PBX1: variants seen among roughly 807,000 people sequenced by gnomAD.
The protein encoded by PBX1 is pre-B-cell leukemia transcription factor 1.
Under a neutral mutation model 53.4 loss-of-function variants are expected in PBX1, and 6 were observed. That is an observed-to-expected ratio of 0.11 (90% CI 0.06 to 0.22). PBX1 has a LOEUF of 0.22. PBX1 is among the 10% of genes least tolerant of loss of function. The pLI, the probability that PBX1 is intolerant of heterozygous loss-of-function variation, is 1.00. For missense variants in PBX1, 251 were observed against 551.4 expected (o/e 0.46, Z 5.46); for synonymous variants, 204 against 212.3 (o/e 0.96, Z 0.34).
chr1:164,858,593 T>C (rs949780868), intron 2 of PBX1, among the ~76,000 whole-genome samples: 1 of 152,166 alleles, frequency 6.6e-6, no homozygotes, highest in South Asian at 2.1e-4. Flanking sequence ...GGATCTTGTA[T>C]TTCAATTAAA....
At chr1:164,823,114 G>A (rs1423529274) in intron 8 of PBX1, among the ~76,000 whole-genome samples, 3 of 152,156 alleles carry the variant, frequency 2.0e-5, no homozygotes, top group Non-Finnish European at 4.4e-5. Context: ...AGAAGTCAAA[G>A]TTAACCCTGT....
At chr1:164,812,463 G>A (rs1333158429) in intron 6 of PBX1, among the ~76,000 whole-genome samples, 2 of 152,308 alleles carry the variant, frequency 1.3e-5, no homozygotes, top group East Asian at 3.9e-4. Flanking sequence ...AAGTAAGTTA[G>A]ACATAGTGCT....
In PBX1 at chr1:164,847,858, A is replaced by C. The variant is rs1671648770; in HGVS notation, c.*1182A>C. The stretch of plus-strand genomic sequence containing the variant: ...AGAATGGCATACACAGGACCTGATC[A>C]TGAGGAAGACCAGGTTTCCAGTGTA... On this transcript the variant is annotated 3_prime_UTR_variant, in exon 9 of 9. Coordinates refer to ENST00000420696, the MANE Select transcript of PBX1 (RefSeq NM_002585.4). The C allele has an allele frequency of 9.5e-7, 1 of 1,055,158 alleles. No homozygotes were observed. The highest frequency in any genetic ancestry group is 5.3e-5 in the East Asian group (1 of 18,882). The allele number at this position is 1,055,158 out of a possible 1,614,324, so 65.4% of individuals were successfully genotyped here.
chr1:164,686,093 AT>A (rs1170972398), intron 2 of PBX1, among the ~76,000 whole-genome samples: 1 of 152,156 alleles, frequency 6.6e-6, no homozygotes, highest in African/African-American at 2.4e-5. Context: ...TTATTCATCT[AT>A]TAAGGGGAGA....
intron 2 of PBX1, among the ~76,000 whole-genome samples, chr1:164,686,919 T>C (rs1662133460): frequency 6.6e-6 from 1 of 151,342 alleles, no homozygotes; most frequent in Non-Finnish European, 1.5e-5. Flanking sequence ...ATCGTGCCAC[T>C]GCACTCCAGC....
rs1464040746 is a variant in PBX1 at position 164,849,147 on chromosome 1, A to C, written c.*2471A>C. ...AGGGCAAAGTACGAAAGAGAGACAA[A>C]AGGGTTCTCTTGGAAACAAGAAGAG... On this transcript the variant is annotated 3_prime_UTR_variant, in exon 9 of 9. Coordinates refer to ENST00000420696, the MANE Select transcript of PBX1 (RefSeq NM_002585.4). The C allele has an allele frequency of 6.1e-5, 85 of 1,389,308 alleles. No individual in the cohort carries two copies. The highest frequency in any genetic ancestry group is 7.8e-5 in the Non-Finnish European group (84 of 1,072,178). 86.1% of individuals were successfully genotyped at this position (1,389,308 alleles called of 1,614,324 possible).
intron 2 of PBX1, among the ~76,000 whole-genome samples, chr1:164,659,477 A>G (rs1660358775): frequency 6.6e-6 from 1 of 152,218 alleles, no homozygotes; most frequent in Non-Finnish European, 1.5e-5. Flanking sequence ...ATAGCACCAA[A>G]CATGTGCTGT....
At chr1:164,743,823 T>A (rs1052819159) in intron 2 of PBX1, among the ~76,000 whole-genome samples, 9 of 152,270 alleles carry the variant, frequency 5.9e-5, no homozygotes, top group Middle Eastern at 3.4e-3. Flanking sequence ...AGTTAGTTCT[T>A]TTAAGAAGCC....
chr1:164,771,477 C>G (rs185995972), intron 2 of PBX1: 1 of 152,164 alleles, frequency 6.6e-6, no homozygotes, highest in African/African-American at 2.4e-5. Context: ...TGTCTGCACA[C>G]TGCATTTGTT....
chr1:164,863,109 G>C lies in PBX1; in HGVS notation n.257+31626G>C, dbSNP rs141486648. The stretch of plus-strand genomic sequence containing the variant: ...GTGGTAAAAAAAAAGTTTCCCAAAG[G>C]GGGGAAATGAATGATTATCTCAGAT... On this transcript the variant is annotated intron_variant and non_coding_transcript_variant, in intron 2 of 2. Coordinates refer to the PBX1 transcript ENST00000558796. 7.4e-3 allele frequency among the ~76,000 whole-genome samples: 1,124 copies of C among 152,308 alleles called. 10 individuals carry two copies. Among genetic ancestry groups the C allele is most frequent in the African/African-American group, 0.026 (1,082 of 41,560 alleles).
chr1:164,784,455 G>T (rs1668078869), intron 2 of PBX1, among the ~76,000 whole-genome samples: 1 of 152,216 alleles, frequency 6.6e-6, no homozygotes, highest in African/African-American at 2.4e-5. Flanking sequence ...CATCCCCTGA[G>T]AAGTAGAAAA....
intron 8 of PBX1, among the ~76,000 whole-genome samples, chr1:164,844,069 C>G (rs187973364): frequency 6.6e-6 from 1 of 151,012 alleles, no homozygotes; most frequent in Non-Finnish European, 1.5e-5. Flanking sequence ...TATTTTATAC[C>G]AGGGTGATTC....
At chr1:164,565,942 C>G (rs1354175560) in intron 2 of PBX1, among the ~76,000 whole-genome samples, 1 of 151,986 alleles carries the variant, frequency 6.6e-6, no homozygotes, top group African/African-American at 2.4e-5. Context: ...ATAGAGGTTA[C>G]TTGATTTAGG....
At position 164,694,921 on chromosome 1, in the gene PBX1, C is replaced by T. The variant is rs192272825; in HGVS notation, c.266-97573C>T. ...TTGACCTCTTGACTGGTGTCTCTGC[C>T]TGTAATATCCTTAAGCAGCCCATCG... On this transcript the variant is annotated intron_variant, in intron 2 of 8. Transcript: ENST00000420696. 1.4e-3 allele frequency among the ~76,000 whole-genome samples: 207 copies of T among 152,256 alleles called. 1 individual carries two copies. Among genetic ancestry groups the T allele is most frequent in the African/African-American group, 4.1e-3 (169 of 41,550 alleles).
rs539365875 is a variant in PBX1, at chr1:164,840,056, A to G, written c.1201-6528A>G. On this transcript the variant is annotated intron_variant, in intron 8 of 8. Transcript: ENST00000420696. ...GCTGAGGTTCCAGAGCAGTATTCCA[A>G]TAACAAGAGCAAGTCACTTTCTCGG... is the stretch of plus-strand genomic sequence containing the variant. Among the ~76,000 whole-genome samples, 3 of 152,276 alleles carry G rather than the reference A, an allele frequency of 2.0e-5. No individual in the cohort carries two copies. In the South Asian group the frequency reaches 6.2e-4, roughly 32 times the overall value.
intron 2 of PBX1, among the ~76,000 whole-genome samples, chr1:164,777,284 A>G (rs377267947): frequency 6.6e-6 from 1 of 152,130 alleles, no homozygotes; most frequent in African/African-American, 2.4e-5. Flanking sequence ...CTAGCCAGGC[A>G]TGGTGGCACG....
chr1:164,709,587 G>T (rs189568104), intron 2 of PBX1, among the ~76,000 whole-genome samples: 1 of 151,834 alleles, frequency 6.6e-6, no homozygotes, highest in South Asian at 2.1e-4. Flanking sequence ...GACATTTCAC[G>T]CAGACCACCC....
At chr1:164,845,489 A>T (rs1055059799) in intron 8 of PBX1, among the ~76,000 whole-genome samples, 1 of 152,202 alleles carries the variant, frequency 6.6e-6, no homozygotes, top group South Asian at 2.1e-4. Context: ...GATCTGTTCA[A>T]CGTGAACTAC....
intron 2 of PBX1, among the ~76,000 whole-genome samples, chr1:164,695,744 C>T (rs1336902298): frequency 6.6e-6 from 1 of 152,170 alleles, no homozygotes; most frequent in African/African-American, 2.4e-5. Context: ...CCACTGGTCC[C>T]AACATTCTTC....
Sources: gnomAD v4.1 joint callset for allele counts (sites outside exome capture counted in the v4.1 genomes callset) on GRCh38, gnomAD v4.1.1 for gene constraint, MANE v1.5 for transcripts, NCBI Gene and HGNC (gene_info 2026-07-23, HGNC 2026-07-21) for gene names.